AKAP13: variants seen among roughly 807,000 people sequenced by gnomAD.
The protein encoded by AKAP13 is A-kinase anchor protein 13.
AKAP13 carries 80 observed loss-of-function variants against 264.5 expected under a neutral mutation model. The observed-to-expected ratio is 0.30, with a 90% CI of 0.25 to 0.36. AKAP13 has a LOEUF of 0.36. AKAP13 is among the 10% of genes least tolerant of loss of function. AKAP13 has a pLI of 1.00. For synonymous variants in AKAP13, 1,380 were observed against 1,250.2 expected, an observed-to-expected ratio of 1.10 and a Z score of -2.19; for missense variants, 3,712 against 3,435.2, an observed-to-expected ratio of 1.08 and a Z score of -2.01.
At chr15:85,459,688 A>G (rs1161327554) in intron 1 of AKAP13, among the ~76,000 whole-genome samples, 2 of 152,000 alleles carry the variant, frequency 1.3e-5, no homozygotes, top group Non-Finnish European at 2.9e-5. Flanking sequence ...TTTAGTAGAG[A>G]TGGGGTTTCA....
chr15:85,394,089 C>G (rs778195907), intron 1 of AKAP13, among the ~76,000 whole-genome samples: 1 of 152,090 alleles, frequency 6.6e-6, no homozygotes, highest in South Asian at 2.1e-4. Context: ...GTTTTACAAA[C>G]ATTTAATTAG....
chr15:85,507,130 A>ATAT (rs546059346), intron 2 of AKAP13, among the ~76,000 whole-genome samples: 121 of 152,248 alleles, frequency 7.9e-4, no homozygotes, highest in Non-Finnish European at 1.4e-3. Context: ...AGCACCTGTT[A>ATAT]TATCACTGTA....
At chr15:85,703,914 C>G (rs2086082378) in intron 17 of AKAP13, among the ~76,000 whole-genome samples, 2 of 151,002 alleles carry the variant, frequency 1.3e-5, no homozygotes, top group South Asian at 4.2e-4. Context: ...GAGACAGGGT[C>G]TCTGTTAAAG....
In AKAP13 at chr15:85,725,400, C is replaced by A. The variant is rs55851385; in HGVS notation, c.6746-1010C>A. On this transcript the variant is annotated intron_variant, in intron 26 of 36. Transcript: ENST00000394518. ...CTTTTTTGGGGGGAGGGGGAGGGTG[C>A]AGGCACCTGAATTATTTAAAAGTAA... Among the ~76,000 whole-genome samples the A allele has an allele frequency of 2.0e-5, 3 of 151,560 alleles. No individual in the cohort carries two copies. The East Asian group carries it at 5.8e-4, about 29-fold the overall frequency.
intron 30 of AKAP13, 47 bp from the exon 31 acceptor site, chr15:85,734,945 C>T: frequency 1.3e-6 from 2 of 1,596,510 alleles, no homozygotes; most frequent in Non-Finnish European, 1.7e-6. Flanking sequence ...TTGTTTTCCC[C>T]TCATTGAAAG....
chr15:85,598,233 A>G (rs2079903436), intron 8 of AKAP13, among the ~76,000 whole-genome samples: 1 of 152,156 alleles, frequency 6.6e-6, no homozygotes, highest in Admixed American at 6.6e-5. Flanking sequence ...GTACCACCTC[A>G]GCCACCCACA....
chr15:85,538,525 T>C (rs1024288983), intron 4 of AKAP13, among the ~76,000 whole-genome samples: 1 of 150,838 alleles, frequency 6.6e-6, no homozygotes, highest in African/African-American at 2.4e-5. Context: ...AGTCTCGCTC[T>C]GTCGCCCAGG....
chr15:85,679,441 A>G (rs1458415040), intron 14 of AKAP13, among the ~76,000 whole-genome samples: 2 of 152,216 alleles, frequency 1.3e-5, no homozygotes, highest in Non-Finnish European at 2.9e-5. Flanking sequence ...GGCAGGGAGA[A>G]CCAAAAGAAG....
At chr15:85,638,086 G>A (rs1409064746) in intron 8 of AKAP13, among the ~76,000 whole-genome samples, 5 of 151,312 alleles carry the variant, frequency 3.3e-5, no homozygotes, top group South Asian at 2.1e-4. Flanking sequence ...GGATTTCACC[G>A]TGTTAGCCAG....
At position 85,522,089 on chromosome 15, in the gene AKAP13, C is replaced by T. The variant is rs1378191830; in HGVS notation, c.181+514C>T. Among the ~76,000 whole-genome samples the T allele has an allele frequency of 2.0e-5, 3 of 152,138 alleles. No homozygotes were observed. The East Asian group carries it at 5.8e-4, about 29-fold the overall frequency. Reference sequence around the variant, plus strand: ...TCATATCAGAAAGGCTTTTCTGGAACTTGAGGTCTGCTCTCTAGCAGGTAC... The same window carrying T: ...TCATATCAGAAAGGCTTTTCTGGAATTTGAGGTCTGCTCTCTAGCAGGTAC... On this transcript the variant is annotated intron_variant, in intron 3 of 36. Transcript: ENST00000394518.
rs765320866 is a variant in AKAP13, at chr15:85,740,276, C to T, written c.7608+4C>T. The T allele has an allele frequency of 5.6e-6, 9 of 1,613,718 alleles. No homozygotes were observed. The highest frequency in any genetic ancestry group is 5.0e-5 in the Admixed American group (3 of 60,018). ...CGAGCTCCTCAGCGCTCTGCAGGTG[C>T]GTGCCTTCATCTTCCATCCCTGCGT... is the stretch of plus-strand genomic sequence containing the variant. On this transcript the variant is annotated splice_donor_region_variant and intron_variant, in intron 34 of 36. Transcript: ENST00000394518.
intron 8 of AKAP13, among the ~76,000 whole-genome samples, chr15:85,608,517 C>T (rs944121926): frequency 5.9e-5 from 9 of 152,186 alleles, no homozygotes; most frequent in Admixed American, 1.3e-4. Flanking sequence ...CAATGAACAA[C>T]ACAGGGCAGG....
chr15:85,527,642 A>C (rs2077116519), intron 3 of AKAP13, among the ~76,000 whole-genome samples: 1 of 152,098 alleles, frequency 6.6e-6, no homozygotes, highest in African/African-American at 2.4e-5. Context: ...TCCTGTGCCT[A>C]CTCTTTGTTC....
At chr15:85,588,358 C>G (rs890461418) in intron 8 of AKAP13, among the ~76,000 whole-genome samples, 1 of 152,116 alleles carries the variant, frequency 6.6e-6, no homozygotes, top group Non-Finnish European at 1.5e-5. Context: ...TTGCTTTTAC[C>G]CCTGTGAGAA....
chr15:85,628,397 G>A (rs1333753989), intron 8 of AKAP13, among the ~76,000 whole-genome samples: 4 of 152,150 alleles, frequency 2.6e-5, no homozygotes, highest in East Asian at 1.9e-4. Flanking sequence ...TTAAGAAGCC[G>A]CCTTCTGCTA....
Position 85,575,328 on chromosome 15 carries a change from T to C in AKAP13, c.860T>C (p.Met287Thr), listed in dbSNP as rs149986294. The C allele has an allele frequency of 6.2e-7, 1 of 1,613,982 alleles. No homozygotes were observed. Among genetic ancestry groups the C allele is most frequent in the African/African-American group, 1.3e-5 (1 of 75,034 alleles). The change falls in exon 6 of 37, where the codon ATG becomes ACG. Residue 287 changes from methionine (M) to threonine (T), a missense_variant and splice_region_variant. By Grantham distance (81) the Met-to-Thr change is moderately conservative. Coordinates refer to ENST00000394518, the MANE Select transcript of AKAP13 (RefSeq NM_007200.5). The part of the protein sequence containing the change: ...FKLMNIQQQL[M>T]KTNLKQMDSL... ...CTTATGAACATCCAACAGCAACTAA[T>C]GGTAAGTCAGAAAGCTTTTATTTTT...
intron 31 of AKAP13, 131 bp downstream of exon 31, chr15:85,735,281 T>C (rs1392127142): frequency 1.6e-6 from 2 of 1,258,012 alleles, no homozygotes; most frequent in Admixed American, 2.6e-5. Flanking sequence ...TTCAAGACAC[T>C]CAAGAGCTTG....
chr15:85,424,970 GCA>G (rs1352187297), intron 1 of AKAP13, among the ~76,000 whole-genome samples: 2 of 152,200 alleles, frequency 1.3e-5, no homozygotes, highest in African/African-American at 4.8e-5. Context: ...TCTTCTGTGG[GCA>G]CAGTTGGTGG....
intron 8 of AKAP13, among the ~76,000 whole-genome samples, chr15:85,626,758 A>C (rs2081428608): frequency 6.6e-6 from 1 of 152,082 alleles, no homozygotes; most frequent in East Asian, 1.9e-4. Flanking sequence ...ATGTATACCC[A>C]GAAGTGGAAT....
Sources: gnomAD v4.1 joint callset for allele counts (sites outside exome capture counted in the v4.1 genomes callset) on GRCh38, gnomAD v4.1.1 for gene constraint, MANE v1.5 for transcripts, NCBI Gene and HGNC (gene_info 2026-07-23, HGNC 2026-07-21) for gene names.